ZNF750: variants seen among roughly 807,000 people sequenced by gnomAD.
ZNF750 encodes the protein zinc finger protein 750, also known as protein ZNF750.
A neutral mutation model predicts 31.6 loss-of-function variants in ZNF750; 10 were observed. The observed-to-expected ratio is 0.32, with a 90% CI of 0.19 to 0.54. The LOEUF (loss-of-function observed/expected upper bound fraction) is 0.54, where lower values mean the gene tolerates loss of function less well. Among genes scored for constraint, ZNF750 ranks in the 20% least tolerant of loss-of-function variants. The probability of loss-of-function intolerance (pLI) is 0.95; values close to 1 mark genes in which losing one functional copy is unlikely to be tolerated. For synonymous variants in ZNF750, 400 were observed against 404.9 expected, an observed-to-expected ratio of 0.99 and a Z score of 0.15; for missense variants, 914 against 934.9, an observed-to-expected ratio of 0.98 and a Z score of 0.29.
In ZNF750 at chr17:82,831,862, G is replaced by T; in HGVS notation, c.593C>A (p.Ser198Ter). The T allele has an allele frequency of 6.2e-7, 1 of 1,614,156 alleles. No individual in the cohort carries two copies. Among genetic ancestry groups the T allele is most frequent in the South Asian group, 1.1e-5 (1 of 91,074 alleles). ...TAKAVSFHTKSAFHTPGYPWK... is the reference protein window; with the variant it reads ...TAKAVSFHTK ...GGGGTAGCCAGGAGTGTGGAAGGCC[G>T]ACTTGGTGTGGAAAGACACGGCCTT... is the stretch of plus-strand genomic sequence containing the variant. The change falls in exon 2 of 3, where the codon TCG (serine) becomes TAG (stop). Residue 198 changes from serine to a stop codon, truncating the protein, a stop_gained. Coordinates refer to ENST00000269394, the MANE Select transcript of ZNF750 (RefSeq NM_024702.3). LOFTEE classifies it high-confidence loss of function. This position sits in a 1 kb window ranked among gnomAD's most constrained non-coding sequence, Gnocchi z 4.6.
chr17:82,830,035 C>T lies in ZNF750; in HGVS notation c.*107G>A, dbSNP rs1010597552. 3 of 1,538,756 alleles carry T rather than the reference C, an allele frequency of 1.9e-6. No individual in the cohort carries two copies. Among genetic ancestry groups the T allele is most frequent in the Non-Finnish European group, 2.7e-6 (3 of 1,129,494 alleles). ...TGTTTGTTTTTTTGAGAAGCAGCAG[C>T]TGCATTTGTAAAAATGTGAAAGTGC... On this transcript the variant is annotated 3_prime_UTR_variant, in exon 3 of 3. Transcript: ENST00000269394.
At chr17:82,834,926 C>T (rs11654361) in intron 1 of ZNF750, among the ~76,000 whole-genome samples, 64,052 of 151,684 alleles carry the variant, frequency 0.42, 13,761 homozygotes, top group East Asian at 0.54. Context: ...GGCTGGGGGC[C>T]GTGGCTCATG....
In ZNF750 at chr17:82,832,208, C is replaced by T. The variant is rs764268629; in HGVS notation, c.247G>A (p.Ala83Thr). 2 of 1,614,186 alleles carry T rather than the reference C, an allele frequency of 1.2e-6. No individual in the cohort carries two copies. The highest frequency in any genetic ancestry group is 2.2e-5 in the East Asian group (1 of 44,870). Residue 83 changes from alanine (A) to threonine (T), a missense_variant, in exon 2 of 3, where the codon GCG becomes ACG. By Grantham distance (58) the Ala-to-Thr change is moderately conservative (BLOSUM62 0). Transcript: ENST00000269394. The surrounding 1 kb of genome is among the most constrained non-coding windows in gnomAD (Gnocchi z 4.9). ...ACAGACTTGGAAGAGGCTGGCTTCG[C>T]CGTGGCATCGGGCTGGTTGGTTTGC... is the stretch of plus-strand genomic sequence containing the variant. ...PKQTNQPDAT[A>T]KPASSKSVAN...
intron 1 of ZNF750, among the ~76,000 whole-genome samples, chr17:82,837,303 C>A (rs1353633374): frequency 6.6e-6 from 1 of 152,190 alleles, no homozygotes; most frequent in African/African-American, 2.4e-5. Flanking sequence ...TTGAAATAGT[C>A]TCTGTGTGGT....
Position 82,832,184 on chromosome 17 carries a change from C to G in ZNF750, c.271G>C (p.Val91Leu), listed in dbSNP as rs1371695866. 1 of 1,614,250 alleles carries G rather than the reference C, an allele frequency of 6.2e-7. No homozygotes were observed. The highest frequency in any genetic ancestry group is 8.5e-7 in the Non-Finnish European group (1 of 1,180,050). ...ATAKPASSKSVANGLSAFDSK... is the reference protein window; with the variant it reads ...ATAKPASSKSLANGLSAFDSK... ...TCGAAGGCAGAGAGTCCATTTGCGA[C>G]AGACTTGGAAGAGGCTGGCTTCGCC... Residue 91 changes from valine to leucine, a missense_variant, in exon 2 of 3, where the codon GTC becomes CTC. Transcript: ENST00000269394. The surrounding 1 kb of genome is among the most constrained non-coding windows in gnomAD (Gnocchi z 4.9).
At chr17:82,837,173 A>G (rs2054060201) in intron 1 of ZNF750, among the ~76,000 whole-genome samples, 1 of 152,294 alleles carries the variant, frequency 6.6e-6, no homozygotes, top group East Asian at 1.9e-4. Context: ...TAAGCTTTCA[A>G]ATGATGATGA....
intron 1 of ZNF750, among the ~76,000 whole-genome samples, chr17:82,836,553 T>G (rs2053992894): frequency 6.6e-6 from 1 of 152,078 alleles, no homozygotes; most frequent in Non-Finnish European, 1.5e-5. Flanking sequence ...CGAAGCCGCA[T>G]TATTTCACAT....
rs766578118 is a variant in ZNF750, at chr17:82,830,615, C to G, written c.1699G>C (p.Ala567Pro). Reference sequence around the variant, plus strand: ...GCAGCTCGTGGTCGACCGGGGAAGGCAGGCCTCGGAGCCTGGGTGTTACAG... The same window carrying G: ...GCAGCTCGTGGTCGACCGGGGAAGGGAGGCCTCGGAGCCTGGGTGTTACAG... ...DPCNTQAPRP[A>P]FPGRPRAAEP... Residue 567 changes from alanine (A) to proline (P), a missense_variant, in exon 3 of 3, where the codon GCC becomes CCC. Around this residue, in one of 2 missense-constraint regions of ZNF750, gnomAD observed 880 missense variants for 868.9 expected, o/e 1.01. Transcript: ENST00000269394. The G allele has an allele frequency of 4.4e-5, 71 of 1,614,040 alleles. No individual in the cohort carries two copies. Among genetic ancestry groups the G allele is most frequent in the Admixed American group, 8.3e-5 (5 of 60,014 alleles).
chr17:82,834,170 G>GC (rs369942176), intron 1 of ZNF750, among the ~76,000 whole-genome samples: 8 of 152,198 alleles, frequency 5.3e-5, no homozygotes, highest in African/African-American at 1.9e-4. Flanking sequence ...CTGGTCTCGA[G>GC]CTCCTGACCT....
rs1475213229 is a variant in ZNF750, at chr17:82,830,821, G to A, written c.1493C>T (p.Ser498Leu). The change falls in exon 3 of 3, where the codon TCG becomes TTG. Residue 498 changes from serine (S) to leucine (L), a missense_variant. This residue lies in a region of ZNF750 where 880 missense variants were observed against 868.9 expected (regional missense o/e 1.01). Transcript: ENST00000269394. ...PAPTGSASLVSEAAPSSPDDS... is the reference protein window; with the variant it reads ...PAPTGSASLVLEAAPSSPDDS... ...GTCCGGACTGGAAGGCGCGGCCTCC[G>A]AGACGAGAGAGGCGCTTCCGGTCGG... The A allele has an allele frequency of 1.9e-6, 3 of 1,613,240 alleles. No individual in the cohort carries two copies. The highest frequency in any genetic ancestry group is 1.3e-5 in the African/African-American group (1 of 74,910).
chr17:82,832,157 A>G lies in ZNF750; in HGVS notation c.298T>C (p.Ser100Pro). The stretch of plus-strand genomic sequence containing the variant: ...CTGGCAGAGCTGTGCTGAAGCTTCG[A>G]GTCGAAGGCAGAGAGTCCATTTGCG... Reference protein sequence around the residue: ...SVANGLSAFDSKLQHSSARED... With the variant: ...SVANGLSAFDPKLQHSSARED... Residue 100 changes from serine (S) to proline (P), a missense_variant, in exon 2 of 3, where the codon TCG becomes CCG. Ser to Pro is a moderately conservative substitution (Grantham distance 74). This residue lies in a region of ZNF750 where 880 missense variants were observed against 868.9 expected (regional missense o/e 1.01). Coordinates refer to ENST00000269394, the MANE Select transcript of ZNF750 (RefSeq NM_024702.3). This position sits in a 1 kb window ranked among gnomAD's most constrained non-coding sequence, Gnocchi z 4.9. 1.2e-6 allele frequency: 2 copies of G among 1,614,196 alleles called. No homozygotes were observed. Among genetic ancestry groups the G allele is most frequent in the Non-Finnish European group, 1.7e-6 (2 of 1,180,036 alleles).
intron 1 of ZNF750, among the ~76,000 whole-genome samples, chr17:82,836,206 G>A (rs758715355): frequency 5.9e-5 from 9 of 152,270 alleles, no homozygotes; most frequent in African/African-American, 9.6e-5. Flanking sequence ...TAGAGAAGCC[G>A]GGTGCCTGGT....
rs576762001 is a variant in ZNF750 at position 82,832,938 on chromosome 17, A to G, written c.-182-302T>C. On this transcript the variant is annotated intron_variant, in intron 1 of 2. Transcript: ENST00000269394. The surrounding 1 kb of genome is among the most constrained non-coding windows in gnomAD (Gnocchi z 4.9). ...AGTGTCTGTTCTGAGAATGCCTGTA[A>G]GCCTTTGAGTTTTGGGAACTTTCAT... is the stretch of plus-strand genomic sequence containing the variant. Among the ~76,000 whole-genome samples the G allele has an allele frequency of 6.6e-6, 1 of 152,238 alleles. No individual in the cohort carries two copies. The highest frequency in any genetic ancestry group is 1.9e-4 in the East Asian group (1 of 5,176).
rs146755596 is a variant in ZNF750, at chr17:82,830,522, C to G, written c.1792G>C (p.Glu598Gln). ...EGSEDGPSHP[E>Q]TKPGSLDGDG... ...CCGTCGAGGCTGCCTGGCTTGGTCT[C>G]AGGGTGGCTGGGCCCATCCTCAGAA... The change falls in exon 3 of 3, where the codon GAG becomes CAG. Residue 598 changes from glutamate (E) to glutamine (Q), a missense_variant. Glu to Gln is a conservative substitution (Grantham distance 29). Coordinates refer to ENST00000269394, the MANE Select transcript of ZNF750 (RefSeq NM_024702.3). 1 of 1,613,904 alleles carries G rather than the reference C, an allele frequency of 6.2e-7. No homozygotes were observed. The highest frequency in any genetic ancestry group is 8.5e-7 in the Non-Finnish European group (1 of 1,180,006).
chr17:82,830,072 T>A lies in ZNF750; in HGVS notation c.*70A>T. On this transcript the variant is annotated 3_prime_UTR_variant, in exon 3 of 3. Coordinates refer to ENST00000269394, the MANE Select transcript of ZNF750 (RefSeq NM_024702.3). ...AAATGTGAAAGTGCCAGTTCAGAGG[T>A]GTTGTAGCTTGCCACCTTGGAAGGC... 1 of 1,604,120 alleles carries A rather than the reference T, an allele frequency of 6.2e-7. No individual in the cohort carries two copies. Among genetic ancestry groups the A allele is most frequent in the Non-Finnish European group, 8.5e-7 (1 of 1,174,528 alleles).
In ZNF750 at chr17:82,835,780, A is replaced by G. The variant is rs945997252; in HGVS notation, c.-182-3144T>C. On this transcript the variant is annotated intron_variant, in intron 1 of 2. Transcript: ENST00000269394. The surrounding 1 kb of genome is among the most constrained non-coding windows in gnomAD (Gnocchi z 4.5). ...ACCCTTCCCCCTACAAACTGCCTCTATTAACATACTTTAAGTTCTTTAAGA... is the reference window on the plus strand; with the variant it reads ...ACCCTTCCCCCTACAAACTGCCTCTGTTAACATACTTTAAGTTCTTTAAGA... 2.4e-4 allele frequency among the ~76,000 whole-genome samples: 37 copies of G among 152,202 alleles called. No individual in the cohort carries two copies. The highest frequency in any genetic ancestry group is 8.4e-4 in the African/African-American group (35 of 41,464).
intron 1 of ZNF750, among the ~76,000 whole-genome samples, chr17:82,837,832 C>G (rs1028822404): frequency 5.9e-5 from 9 of 152,216 alleles, no homozygotes; most frequent in African/African-American, 1.9e-4. Flanking sequence ...CCGAGCCTGG[C>G]CTGGCACAAA....
At position 82,831,636 on chromosome 17, in the gene ZNF750, C is replaced by T; in HGVS notation, c.819G>A (p.Leu273=). 1 of 1,614,168 alleles carries T rather than the reference C, an allele frequency of 6.2e-7. No homozygotes were observed. Among genetic ancestry groups the T allele is most frequent in the South Asian group, 1.1e-5 (1 of 91,080 alleles). Residue 273 remains leucine, a synonymous_variant, in exon 2 of 3, where the codon CTG becomes CTA. Coordinates refer to ENST00000269394, the MANE Select transcript of ZNF750 (RefSeq NM_024702.3). The surrounding 1 kb of genome is among the most constrained non-coding windows in gnomAD (Gnocchi z 4.6). ...TCGGGTCTTGGGTTCCGTAGACTGA[C>T]AGCAGGGGTGCGTCACACTCAGGCG... ...GSSPECDAPL[L]SVYGTQDPRH...
intron 1 of ZNF750, among the ~76,000 whole-genome samples, chr17:82,834,228 G>A (rs1431444438): frequency 5.9e-5 from 9 of 152,158 alleles, no homozygotes; most frequent in African/African-American, 1.9e-4. Context: ...GATTAGAGGC[G>A]TGAGCCACCG....
Sources: allele counts gnomAD v4.1 joint callset (sites outside exome capture counted in the v4.1 genomes callset), GRCh38; gene constraint gnomAD v4.1.1; regional missense constraint gnomAD v4.1.1; non-coding constraint Gnocchi (gnomAD v3.1); transcripts MANE v1.5; gene names NCBI Gene and HGNC (gene_info 2026-07-23, HGNC 2026-07-21).